The following KCTD1 variants were observed in gnomAD, a reference collection of about 807,000 sequenced individuals.
KCTD1 encodes potassium channel tetramerization domain containing 1, also known as BTB/POZ domain-containing protein KCTD1.
Under a neutral mutation model 66.0 loss-of-function variants are expected in KCTD1, and 24 were observed. The ratio of observed to expected loss-of-function variants is 0.36; its 90% CI spans 0.26 to 0.51. The LOEUF is 0.51. Ranked by LOEUF, KCTD1 falls within the 20% of genes least tolerant of loss-of-function variation. The probability of loss-of-function intolerance (pLI) is 0.95; values close to 1 mark genes in which losing one functional copy is unlikely to be tolerated. For synonymous variants in KCTD1, 511 were observed against 517.2 expected (o/e 0.99, Z 0.16); for missense variants, 943 against 1,205.2 (o/e 0.78, Z 3.22).
At chr18:26,649,474 T>C (rs1987988423) in intron 1 of KCTD1, among the ~76,000 whole-genome samples, 1 of 151,998 alleles carries the variant, frequency 6.6e-6, no homozygotes, top group Admixed American at 6.6e-5. Context: ...TGAGCCTCGG[T>C]TGTTTCGGTG....
At chr18:26,494,845 CTG>C (rs1449705529) in intron 2 of KCTD1, among the ~76,000 whole-genome samples, 1 of 152,078 alleles carries the variant, frequency 6.6e-6, no homozygotes, top group African/African-American at 2.4e-5. Flanking sequence ...CCAACCAAAA[CTG>C]TTCATCATTT....
chr18:26,514,547 CTCAAAAAA>C (rs370362183), intron 1 of KCTD1, among the ~76,000 whole-genome samples: 48 of 81,042 alleles, frequency 5.9e-4, no homozygotes, highest in East Asian at 2.7e-3. Flanking sequence ...GAGACCTTGT[CTCAAAAAA>C]AAAAAAAAAA....
At chr18:26,590,986 G>A (rs1272768701) in intron 1 of KCTD1, among the ~76,000 whole-genome samples, 1 of 152,072 alleles carries the variant, frequency 6.6e-6, no homozygotes, top group Non-Finnish European at 1.5e-5. Context: ...TATACACTAA[G>A]GAGAATATGA....
intron 1 of KCTD1, among the ~76,000 whole-genome samples, chr18:26,655,049 C>T (rs1411811576): frequency 6.6e-6 from 1 of 152,230 alleles, no homozygotes; most frequent in African/African-American, 2.4e-5. Context: ...TTAGTTGCCA[C>T]AGATTCCCAT....
intron 1 of KCTD1, among the ~76,000 whole-genome samples, chr18:26,622,272 T>G (rs1310484713): frequency 6.6e-6 from 1 of 152,216 alleles, no homozygotes; most frequent in Non-Finnish European, 1.5e-5. Flanking sequence ...AGGCATGGGT[T>G]GGTAAAGAGG....
intron 1 of KCTD1, among the ~76,000 whole-genome samples, chr18:26,513,919 G>C (rs919484810): frequency 6.6e-6 from 1 of 152,202 alleles, no homozygotes; most frequent in Non-Finnish European, 1.5e-5. Flanking sequence ...ATTTGCTCTA[G>C]CTGATCGGGA....
chr18:26,512,421 T>C, intron 1 of KCTD1, among the ~76,000 whole-genome samples: 1 of 151,738 alleles, frequency 6.6e-6, no homozygotes, highest in Non-Finnish European at 1.5e-5. Flanking sequence ...GATTCTTAAG[T>C]GCCCATTTGC....
chr18:26,491,664 C>T (rs748697679), intron 2 of KCTD1, among the ~76,000 whole-genome samples: 23 of 152,272 alleles, frequency 1.5e-4, no homozygotes, highest in Non-Finnish European at 2.4e-4. Flanking sequence ...GTTTTGTTCA[C>T]GGCAGGAAGT....
chr18:26,546,845 A>C lies in KCTD1; in HGVS notation c.1692T>G (p.Asp564Glu). The C allele has an allele frequency of 2.0e-6, 3 of 1,523,302 alleles. No homozygotes were observed. Among genetic ancestry groups the C allele is most frequent in the Non-Finnish European group, 2.6e-6 (3 of 1,136,046 alleles). The allele number at this position is 1,523,302 out of a possible 1,614,324, so 94.4% of individuals were successfully genotyped here. ...GTTTCACGGAAACCACCACCACCGCATCCACAGGCTCCGAGGGGCGGATAC... is the reference window on the plus strand; with the variant it reads ...GTTTCACGGAAACCACCACCACCGCCTCCACAGGCTCCGAGGGGCGGATAC... ...RLCIRPSEPV[D>E]AVVVVSVKHD... Residue 564 changes from aspartate to glutamate, a missense_variant, in exon 1 of 5, where the codon GAT becomes GAG. This residue lies in a region of KCTD1 where 197 missense variants were observed against 182.7 expected (regional missense o/e 1.08). Coordinates refer to ENST00000580059, the MANE Select transcript of KCTD1 (RefSeq NM_001142730.3).
intron 1 of KCTD1, among the ~76,000 whole-genome samples, chr18:26,556,459 T>C (rs1286754937): frequency 6.6e-6 from 1 of 152,208 alleles, no homozygotes; most frequent in Non-Finnish European, 1.5e-5. Flanking sequence ...GCATCTGTTG[T>C]TTTACAATCT....
rs570143055 is a variant in KCTD1 at position 26,628,804 on chromosome 18, T to C, written c.-16+343A>G. On this transcript the variant is annotated intron_variant, in intron 1 of 4. Transcript: ENST00000317932. ...CTGAAGATAGAGGCTTCTAATTAAA[T>C]TGGCCTCTCAACCAGAACTGCAGAG... is the stretch of plus-strand genomic sequence containing the variant. 2.9e-3 allele frequency among the ~76,000 whole-genome samples: 440 copies of C among 152,306 alleles called. 3 individuals carry two copies. The highest frequency in any genetic ancestry group is 9.6e-4 in the Non-Finnish European group (65 of 68,036).
chr18:26,547,044 T>A lies in KCTD1; in HGVS notation c.1493A>T (p.His498Leu). Reference protein sequence around the residue: ...ARHHSHHPPTHPSHHHRPQPP... With the variant: ...ARHHSHHPPTLPSHHHRPQPP... ...CTGGGGGCGGTGGTGGTGGGAGGGATGGGTGGGGGGGTGGTGGGAGTGGTG... is the reference window on the plus strand; with the variant it reads ...CTGGGGGCGGTGGTGGTGGGAGGGAAGGGTGGGGGGGTGGTGGGAGTGGTG... Residue 498 changes from histidine to leucine, a missense_variant, in exon 1 of 5, where the codon CAT becomes CTT. This residue lies in a region of KCTD1 where 197 missense variants were observed against 182.7 expected (regional missense o/e 1.08). Transcript: ENST00000580059. 4.2e-6 allele frequency: 1 copy of A among 239,976 alleles called. No homozygotes were observed. The highest frequency in any genetic ancestry group is 7.6e-6 in the Non-Finnish European group (1 of 131,834). The allele number at this position is 239,976 out of a possible 1,614,324, so 14.9% of individuals were successfully genotyped here.
intron 1 of KCTD1, among the ~76,000 whole-genome samples, chr18:26,656,928 C>T (rs1205501275): frequency 6.7e-6 from 1 of 149,606 alleles, no homozygotes; most frequent in Non-Finnish European, 1.5e-5. Flanking sequence ...GGGAGAGCCG[C>T]GGCGGAGCGG....
intron 1 of KCTD1, among the ~76,000 whole-genome samples, chr18:26,576,422 C>T (rs911925713): frequency 2.6e-5 from 4 of 152,098 alleles, no homozygotes; most frequent in African/African-American, 9.7e-5. Context: ...AACTGAATTC[C>T]TATCAAATAA....
intron 1 of KCTD1, among the ~76,000 whole-genome samples, chr18:26,583,823 A>G (rs1182606061): frequency 6.6e-6 from 1 of 152,192 alleles, no homozygotes; most frequent in Non-Finnish European, 1.5e-5. Context: ...CCATCTGTCA[A>G]AATACAAAAG....
At chr18:26,460,587 G>A (rs75524795) in intron 3 of KCTD1, among the ~76,000 whole-genome samples, 3,347 of 152,278 alleles carry the variant, frequency 0.022, 133 homozygotes, top group African/African-American at 0.076. Context: ...CTAGTGTACT[G>A]CCCTGTGCCA....
chr18:26,545,102 A>G (rs1440948640), intron 1 of KCTD1: 4 of 152,204 alleles, frequency 2.6e-5, no homozygotes, highest in African/African-American at 9.6e-5. Flanking sequence ...TCACAATTCT[A>G]TATTACACTG....
At chr18:26,549,790 G>A (rs146996843), upstream of KCTD1, 672 of 985,032 alleles carry the variant, frequency 6.8e-4, 3 homozygotes, top group African/African-American at 0.01. Flanking sequence ...GCGCGCGGGG[G>A]CGGGCACCTC....
chr18:26,538,547 G>A (rs1238848781), intron 1 of KCTD1, among the ~76,000 whole-genome samples: 1 of 152,066 alleles, frequency 6.6e-6, no homozygotes, highest in East Asian at 1.9e-4. Context: ...AGGGGCCCCC[G>A]GTGCAGCACC....
Sources: gnomAD v4.1 joint callset for allele counts (sites outside exome capture counted in the v4.1 genomes callset) on GRCh38, gnomAD v4.1.1 for gene constraint, gnomAD v4.1.1 regional missense constraint, MANE v1.5 for transcripts, NCBI Gene and HGNC (gene_info 2026-07-23, HGNC 2026-07-21) for gene names.